Variants in CD96 observed in about 807,000 individuals in gnomAD.
CD96 encodes the protein T-cell surface protein tactile.
A neutral mutation model predicts 71.3 loss-of-function variants in CD96; 70 were observed. The ratio of observed to expected loss-of-function variants is 0.98; its 90% CI spans 0.81 to 1.20. CD96 has a LOEUF of 1.20. Ranked by LOEUF, CD96 falls within the 50% of genes most tolerant of loss-of-function variation. The probability of loss-of-function intolerance (pLI) is 0.00; values close to 1 mark genes in which losing one functional copy is unlikely to be tolerated. For missense variants in CD96, 742 were observed against 677.5 expected, an observed-to-expected ratio of 1.10 and a Z score of -1.06; for synonymous variants, 248 against 233.0, an observed-to-expected ratio of 1.06 and a Z score of -0.59.
intron 2 of CD96, among the ~76,000 whole-genome samples, chr3:111,547,731 G>A (rs1934485883): frequency 6.6e-6 from 1 of 152,146 alleles, no homozygotes; most frequent in Non-Finnish European, 1.5e-5. Flanking sequence ...AAAATTTCCG[G>A]TCTTCTGAAT....
chr3:111,636,501 T>C (rs1939335539), intron 10 of CD96, among the ~76,000 whole-genome samples: 1 of 152,238 alleles, frequency 6.6e-6, no homozygotes, highest in South Asian at 2.1e-4. Flanking sequence ...TTTTATCAAA[T>C]ACAGATATGT....
Position 111,624,663 on chromosome 3 carries a change from G to A in CD96, c.1321+259G>A, listed in dbSNP as rs913172184. ...AAAAAGGCACAGGAGGGAGACAGTG[G>A]GAATCGAGAGTGAAGGGTTGCCATT... is the stretch of plus-strand genomic sequence containing the variant. On this transcript the variant is annotated intron_variant, in intron 10 of 13. Transcript: ENST00000352690. 1.1e-4 allele frequency among the ~76,000 whole-genome samples: 17 copies of A among 152,204 alleles called. No individual in the cohort carries two copies. The highest frequency in any genetic ancestry group is 2.4e-4 in the Non-Finnish European group (16 of 68,034).
chr3:111,559,183 A>G (rs1935250074), intron 2 of CD96, among the ~76,000 whole-genome samples: 1 of 149,652 alleles, frequency 6.7e-6, no homozygotes, highest in African/African-American at 2.5e-5. Flanking sequence ...GATTTTTTGA[A>G]TGGTTTTTTG....
chr3:111,567,277 G>C (rs996471487), intron 2 of CD96, among the ~76,000 whole-genome samples: 3 of 152,160 alleles, frequency 2.0e-5, no homozygotes, highest in Non-Finnish European at 2.9e-5. Context: ...CAAATCATGA[G>C]TTTGATTCTG....
At chr3:111,547,569 C>A (rs1934475632) in intron 2 of CD96, among the ~76,000 whole-genome samples, 1 of 152,114 alleles carries the variant, frequency 6.6e-6, no homozygotes. Context: ...CAATGGAGAA[C>A]AGATAGTATA....
chr3:111,637,190 C>G lies in CD96; in HGVS notation c.1322-6C>G, dbSNP rs1202855138. 2 of 1,513,284 alleles carry G rather than the reference C, an allele frequency of 1.3e-6. No individual in the cohort carries two copies. The highest frequency in any genetic ancestry group is 1.7e-5 in the Admixed American group (1 of 59,908). 93.7% of individuals were successfully genotyped at this position (1,513,284 alleles called of 1,614,324 possible). On this transcript the variant is annotated splice_region_variant and splice_polypyrimidine_tract_variant and intron_variant, in intron 10 of 13. Transcript: ENST00000352690. ...GGTTAACTCTTCTGATATCTTCTTCCTTTAGCAGTTTCACGGATACCTAGT... is the reference window on the plus strand; with the variant it reads ...GGTTAACTCTTCTGATATCTTCTTCGTTTAGCAGTTTCACGGATACCTAGT...
chr3:111,571,022 G>A, intron 3 of CD96: 1 of 1,400,900 alleles, frequency 7.1e-7, no homozygotes, highest in Non-Finnish European at 1.0e-6. Context: ...TCTCTTTTGG[G>A]GTCAGCGGCT....
chr3:111,595,750 ATG>A (rs1175064189), intron 5 of CD96, among the ~76,000 whole-genome samples: 2 of 151,388 alleles, frequency 1.3e-5, no homozygotes, highest in Non-Finnish European at 2.9e-5. Flanking sequence ...TAATATATAT[ATG>A]TGTGTGTATA....
rs1295085365 is a variant in CD96 at position 111,605,444 on chromosome 3, A to G, written c.1088-1256A>G. Among the ~76,000 whole-genome samples the G allele has an allele frequency of 2.6e-5, 4 of 152,362 alleles. No individual in the cohort carries two copies. The East Asian group carries it at 5.8e-4, about 22-fold the overall frequency. ...ATTTGAGAGAGATGGAAAAAATGAT[A>G]AGCAACATCAGGAAATTGGGAGTGT... On this transcript the variant is annotated intron_variant, in intron 7 of 13. Coordinates refer to ENST00000352690, the MANE Select transcript of CD96 (RefSeq NM_005816.5).
chr3:111,633,637 C>T (rs981844294), intron 10 of CD96: 1 of 152,282 alleles, frequency 6.6e-6, no homozygotes, highest in Non-Finnish European at 1.5e-5. Context: ...CCCATACTTC[C>T]AAAGCTTGTG....
At chr3:111,570,941 G>A in intron 3 of CD96, 3 of 1,562,982 alleles carry the variant, frequency 1.9e-6, no homozygotes, top group Non-Finnish European at 2.6e-6. Flanking sequence ...CAAAGTAGGG[G>A]GTCTTGAGTG....
At chr3:111,565,992 A>C (rs1576326086) in intron 2 of CD96, among the ~76,000 whole-genome samples, 1 of 150,076 alleles carries the variant, frequency 6.7e-6, no homozygotes, top group East Asian at 1.9e-4. Context: ...ATGCCATTAA[A>C]ATGTATACTG....
Position 111,593,857 on chromosome 3 carries a change from A to G in CD96, c.808-4263A>G, listed in dbSNP as rs536565749. 3.1e-6 allele frequency: 5 copies of G among 1,613,764 alleles called. No individual in the cohort carries two copies. The East Asian group carries it at 1.1e-4, about 36-fold the overall frequency. ...GATCCTGGCGCTGCCCAGCCTGACCATGGCCACTCTTCTCCAGCTCCTCTC... is the reference window on the plus strand; with the variant it reads ...GATCCTGGCGCTGCCCAGCCTGACCGTGGCCACTCTTCTCCAGCTCCTCTC... On this transcript the variant is annotated intron_variant, in intron 5 of 13. Coordinates refer to ENST00000352690, the MANE Select transcript of CD96 (RefSeq NM_005816.5).
At chr3:111,596,013 T>C (rs1937239926) in intron 5 of CD96, among the ~76,000 whole-genome samples, 1 of 151,740 alleles carries the variant, frequency 6.6e-6, no homozygotes, top group East Asian at 1.9e-4. Flanking sequence ...AATGCAAAAA[T>C]TAGCCAGGTG....
chr3:111,543,505 C>T (rs1934215665), intron 1 of CD96, among the ~76,000 whole-genome samples: 1 of 152,074 alleles, frequency 6.6e-6, no homozygotes, highest in Admixed American at 6.6e-5. Context: ...AAATTTCTTA[C>T]TCTAATCAAC....
chr3:111,662,949 TA>T, intron 14 of CD96, among the ~76,000 whole-genome samples: 1 of 152,352 alleles, frequency 6.6e-6, no homozygotes, highest in Non-Finnish European at 1.5e-5. Flanking sequence ...CAATTTTCTG[TA>T]TTAGTCCATT....
chr3:111,645,741 T>G (rs1939799589), intron 12 of CD96, among the ~76,000 whole-genome samples: 1 of 152,144 alleles, frequency 6.6e-6, no homozygotes, highest in African/African-American at 2.4e-5. Context: ...ATACAATGTG[T>G]CACATAATTA....
At chr3:111,645,638 G>A (rs1939794293) in intron 12 of CD96, among the ~76,000 whole-genome samples, 1 of 152,138 alleles carries the variant, frequency 6.6e-6, no homozygotes, top group Non-Finnish European at 1.5e-5. Flanking sequence ...GTGTGAAACA[G>A]AACTTTGTCT....
chr3:111,545,466 T>C, intron 2 of CD96, 64 bp downstream of exon 2: 1 of 1,142,660 alleles, frequency 8.8e-7, no homozygotes, highest in Non-Finnish European at 1.3e-6. Flanking sequence ...AAATGTACAT[T>C]TTAAGAAAAG....
Sources: gnomAD v4.1 joint callset for allele counts (sites outside exome capture counted in the v4.1 genomes callset) on GRCh38, gnomAD v4.1.1 for gene constraint, MANE v1.5 for transcripts, NCBI Gene and HGNC (gene_info 2026-07-23, HGNC 2026-07-21) for gene names.